ICA1: variants seen among roughly 807,000 people sequenced by gnomAD.
The protein encoded by ICA1 is islet cell autoantigen 1, also known as 69 kDa islet cell autoantigen.
A neutral mutation model predicts 71.0 loss-of-function variants in ICA1; 40 were observed. That is an observed-to-expected ratio of 0.56 (90% CI 0.44 to 0.73). The LOEUF (loss-of-function observed/expected upper bound fraction) is 0.73. Among genes scored for constraint, ICA1 ranks in the 30% least tolerant of loss-of-function variants. ICA1 has a pLI of 0.00. For synonymous variants in ICA1, 207 were observed against 209.5 expected, an observed-to-expected ratio of 0.99 and a Z score of 0.10; for missense variants, 578 against 576.5, an observed-to-expected ratio of 1.00 and a Z score of -0.03.
At chr7:8,140,272 G>A (rs1464192817) in intron 10 of ICA1, among the ~76,000 whole-genome samples, 2 of 152,102 alleles carry the variant, frequency 1.3e-5, no homozygotes, top group Admixed American at 6.6e-5. Flanking sequence ...CTCTTCTGTG[G>A]CCAACAAGAG....
At chr7:8,208,068 T>G (rs1449729170) in intron 6 of ICA1, among the ~76,000 whole-genome samples, 3 of 152,212 alleles carry the variant, frequency 2.0e-5, no homozygotes, top group East Asian at 1.9e-4. Context: ...TCAAAATTCT[T>G]TAATATTCCT....
chr7:8,119,521 G>C (rs1241204580), intron 13 of ICA1, among the ~76,000 whole-genome samples: 1 of 152,208 alleles, frequency 6.6e-6, no homozygotes, highest in African/African-American at 2.4e-5. Flanking sequence ...CTATAAATAA[G>C]TGAAACATCT....
chr7:8,160,346 C>T (rs902948802), intron 6 of ICA1, among the ~76,000 whole-genome samples: 18 of 152,222 alleles, frequency 1.2e-4, no homozygotes, highest in African/African-American at 4.3e-4. Context: ...TATCACATGT[C>T]AGCATCATTC....
In ICA1 at chr7:8,251,005, TC is replaced by T. The variant is rs544083911; in HGVS notation, c.-80+11088del. Among the ~76,000 whole-genome samples the T allele has an allele frequency of 9.2e-5, 14 of 151,850 alleles. No homozygotes were observed. The South Asian group carries it at 1.0e-3, about 11-fold the overall frequency. On this transcript the variant is annotated intron_variant, in intron 1 of 13. Coordinates refer to ENST00000402384, the MANE Select transcript of ICA1 (RefSeq NM_001136020.3). ...GCCTTGACCTCCTGGGCTCAAGTGATCCCCCCCACCTCAGCCTCTTCAGTAG... is the reference window on the plus strand; with the variant it reads ...GCCTTGACCTCCTGGGCTCAAGTGATCCCCCCACCTCAGCCTCTTCAGTAG...
At chr7:8,237,138 A>G (rs1353513733) in intron 1 of ICA1, among the ~76,000 whole-genome samples, 2 of 152,232 alleles carry the variant, frequency 1.3e-5, no homozygotes, top group Non-Finnish European at 2.9e-5. Flanking sequence ...AGCATCCTGC[A>G]GTGAACATCT....
At chr7:8,239,404 C>T (rs1802976414) in intron 1 of ICA1, among the ~76,000 whole-genome samples, 1 of 152,196 alleles carries the variant, frequency 6.6e-6, no homozygotes, top group Admixed American at 6.5e-5. Flanking sequence ...TCAGCTCTGT[C>T]CAATAGAAAT....
intron 6 of ICA1, among the ~76,000 whole-genome samples, chr7:8,209,392 G>T (rs551875112): frequency 3.3e-5 from 5 of 152,260 alleles, no homozygotes; most frequent in African/African-American, 1.2e-4. Context: ...CAGAAATTAT[G>T]AATTAGTAAG....
intron 6 of ICA1, among the ~76,000 whole-genome samples, chr7:8,191,057 C>T (rs1240027435): frequency 6.6e-6 from 1 of 152,170 alleles, no homozygotes; most frequent in African/African-American, 2.4e-5. Flanking sequence ...GAGGAACCAT[C>T]GTCTGACTCC....
chr7:8,206,795 A>T (rs1791750979), intron 6 of ICA1, among the ~76,000 whole-genome samples: 1 of 151,234 alleles, frequency 6.6e-6, no homozygotes, highest in South Asian at 2.1e-4. Context: ...ATTTTGCCCC[A>T]CTATTTTCTC....
intron 13 of ICA1, among the ~76,000 whole-genome samples, chr7:8,121,925 T>C (rs1787117134): frequency 6.6e-6 from 1 of 152,094 alleles, no homozygotes; most frequent in Admixed American, 6.5e-5. Context: ...ATAAAGTGAA[T>C]CCATTTTACA....
At chr7:8,133,452 T>C (rs1562578567) in intron 12 of ICA1, among the ~76,000 whole-genome samples, 1 of 152,194 alleles carries the variant, frequency 6.6e-6, no homozygotes, top group African/African-American at 2.4e-5. Context: ...TTTGTAGAGA[T>C]AGGGTTTTAC....
rs150534760 is a variant in ICA1, at chr7:8,184,796, G to A, written c.580-26144C>T. ...ATTTTTAAGATAGAAAAGAAAAGGC[G>A]GGGTGCCGTGGCTTGCACCTGTAAT... is the stretch of plus-strand genomic sequence containing the variant. On this transcript the variant is annotated intron_variant, in intron 6 of 13. Transcript: ENST00000402384. 9.2e-5 allele frequency among the ~76,000 whole-genome samples: 14 copies of A among 152,282 alleles called. No individual in the cohort carries two copies. In the East Asian group the frequency reaches 9.6e-4, roughly 10 times the overall value.
At chr7:8,149,938 C>T (rs764158217) in intron 8 of ICA1, among the ~76,000 whole-genome samples, 1 of 152,198 alleles carries the variant, frequency 6.6e-6, no homozygotes, top group Non-Finnish European at 1.5e-5. Context: ...ACATTTAGCA[C>T]ATACGTACTC....
chr7:8,188,236 T>A (rs1784485076), intron 6 of ICA1, among the ~76,000 whole-genome samples: 1 of 152,174 alleles, frequency 6.6e-6, no homozygotes, highest in African/African-American at 2.4e-5. Context: ...ACTTTGAGAG[T>A]ACAGGAAAGT....
chr7:8,205,730 A>C (rs1287507230), intron 6 of ICA1, among the ~76,000 whole-genome samples: 1 of 152,248 alleles, frequency 6.6e-6, no homozygotes, highest in East Asian at 1.9e-4. Context: ...AAGACTCCCA[A>C]AGAAAAGGAA....
intron 8 of ICA1, among the ~76,000 whole-genome samples, chr7:8,155,935 A>G (rs1468060471): frequency 6.6e-6 from 1 of 152,298 alleles, no homozygotes; most frequent in African/African-American, 2.4e-5. Context: ...ATAAGAAATA[A>G]AAGCTCCTTC....
intron 3 of ICA1, among the ~76,000 whole-genome samples, chr7:8,229,390 T>G (rs892483903): frequency 6.6e-6 from 1 of 152,338 alleles, no homozygotes; most frequent in Admixed American, 6.5e-5. Flanking sequence ...GTTCCAGCCT[T>G]TGTTTCAGAA....
chr7:8,229,240 C>T (rs1453590522), intron 3 of ICA1, among the ~76,000 whole-genome samples: 1 of 152,196 alleles, frequency 6.6e-6, no homozygotes, highest in Admixed American at 6.6e-5. Flanking sequence ...CAGTCCCCAT[C>T]ACTCCTTATT....
At chr7:8,121,978 G>C (rs73674822) in intron 13 of ICA1, among the ~76,000 whole-genome samples, 17,941 of 152,154 alleles carry the variant, frequency 0.12, 1,133 homozygotes, top group Non-Finnish European at 0.13. Context: ...GGTTGTCATG[G>C]ACTTGGGGAG....
Sources: gnomAD v4.1 joint callset for allele counts (sites outside exome capture counted in the v4.1 genomes callset) on GRCh38, gnomAD v4.1.1 for gene constraint, MANE v1.5 for transcripts, NCBI Gene and HGNC (gene_info 2026-07-23, HGNC 2026-07-21) for gene names.